Variants in SMAD3 observed in about 807,000 individuals in gnomAD.
The protein encoded by SMAD3 is MAD homolog 3.
In SMAD3, 12 loss-of-function variants were observed where a neutral mutation model predicts 51.8. The ratio of observed to expected loss-of-function variants is 0.23; its 90% CI spans 0.15 to 0.38. The LOEUF (loss-of-function observed/expected upper bound fraction) is 0.38. SMAD3 is among the 10% of genes least tolerant of loss of function. The probability of loss-of-function intolerance (pLI) is 1.00; values close to 1 mark genes in which losing one functional copy is unlikely to be tolerated. For synonymous variants in SMAD3, 238 were observed against 227.7 expected (o/e 1.05, Z -0.41); for missense variants, 294 against 565.6 (o/e 0.52, Z 4.87).
chr15:67,178,613 G>T (rs1036986572), intron 5 of SMAD3, among the ~76,000 whole-genome samples: 2 of 152,106 alleles, frequency 1.3e-5, no homozygotes, highest in South Asian at 4.1e-4. Context: ...CGCTTGGGCA[G>T]TGGTGGCCAG....
intron 1 of SMAD3, among the ~76,000 whole-genome samples, chr15:67,158,449 A>C (rs897249352): frequency 6.6e-6 from 1 of 152,262 alleles, no homozygotes; most frequent in Non-Finnish European, 1.5e-5. Flanking sequence ...TGCATGGCAC[A>C]GAGAAGCAGG....
At chr15:67,089,152 T>C (rs749855826) in intron 1 of SMAD3, among the ~76,000 whole-genome samples, 3 of 151,826 alleles carry the variant, frequency 2.0e-5, no homozygotes, top group Non-Finnish European at 4.4e-5. Context: ...AAAAAAGGGG[T>C]GTATGGCTGC....
intron 1 of SMAD3, among the ~76,000 whole-genome samples, chr15:67,123,433 A>T (rs1487976892): frequency 6.6e-6 from 1 of 152,184 alleles, no homozygotes; most frequent in East Asian, 1.9e-4. Context: ...CAGGAGGAGG[A>T]GTTTGCAGTG....
At chr15:67,089,124 C>G (rs1960457870) in intron 1 of SMAD3, among the ~76,000 whole-genome samples, 1 of 152,126 alleles carries the variant, frequency 6.6e-6, no homozygotes, top group Non-Finnish European at 1.5e-5. Flanking sequence ...GCCGCCTTCT[C>G]TTGCAAAGTG....
intron 2 of SMAD3, 44 bp downstream of exon 2, chr15:67,165,132 T>TC: frequency 6.2e-7 from 1 of 1,610,020 alleles, no homozygotes. Flanking sequence ...GTGCCAGGGG[T>TC]CATCACCTCT....
intron 1 of SMAD3, among the ~76,000 whole-genome samples, chr15:67,086,168 T>G (rs1023412079): frequency 3.3e-5 from 5 of 152,170 alleles, no homozygotes; most frequent in Non-Finnish European, 7.3e-5. Context: ...TTCATGAAAC[T>G]AAGTTAGAGG....
At chr15:67,165,605 G>C (rs1962563161) in intron 3 of SMAD3, among the ~76,000 whole-genome samples, 1 of 152,256 alleles carries the variant, frequency 6.6e-6, no homozygotes, top group Non-Finnish European at 1.5e-5. Flanking sequence ...TCTTGGCATA[G>C]AGGAGCAGCG....
intron 1 of SMAD3, among the ~76,000 whole-genome samples, chr15:67,101,456 C>A (rs960353540): frequency 2.6e-5 from 4 of 152,162 alleles, no homozygotes; most frequent in African/African-American, 7.2e-5. Flanking sequence ...GACTCTCCCA[C>A]CCTCTGGCAT....
chr15:67,150,067 A>G (rs142015776), intron 1 of SMAD3, among the ~76,000 whole-genome samples: 1 of 152,320 alleles, frequency 6.6e-6, no homozygotes, highest in East Asian at 1.9e-4. Context: ...TGTAAATGTC[A>G]TAAGACTGAG....
chr15:67,136,328 C>CTTTTTTTTTTTTTTTTTTTT (rs11355676), intron 1 of SMAD3, among the ~76,000 whole-genome samples: 3 of 137,118 alleles, frequency 2.2e-5, no homozygotes, highest in African/African-American at 2.7e-5. Flanking sequence ...GTCAGTCATT[C>CTTTTTTTTTTTTTTTTTTTT]TTTTTTTTTT....
At chr15:67,117,016 TC>T (rs1486706432) in intron 1 of SMAD3, among the ~76,000 whole-genome samples, 2 of 152,100 alleles carry the variant, frequency 1.3e-5, no homozygotes, top group African/African-American at 4.8e-5. Context: ...TTCACCCAGT[TC>T]TCATAGCTCC....
intron 1 of SMAD3, among the ~76,000 whole-genome samples, chr15:67,075,729 A>G (rs1400199885): frequency 1.3e-5 from 2 of 152,162 alleles, no homozygotes; most frequent in Non-Finnish European, 2.9e-5. Context: ...AGCCTGACCA[A>G]TATGGTGAAA....
chr15:67,090,612 C>CCACT (rs1960489582), intron 1 of SMAD3, among the ~76,000 whole-genome samples: 1 of 152,094 alleles, frequency 6.6e-6, no homozygotes. Flanking sequence ...CTGATGTGAA[C>CCACT]CACTCACTAT....
chr15:67,122,571 G>T (rs1267248695), intron 1 of SMAD3, among the ~76,000 whole-genome samples: 1 of 152,196 alleles, frequency 6.6e-6, no homozygotes, highest in East Asian at 1.9e-4. Flanking sequence ...GGTCCAGAGA[G>T]GTGAGGGGAT....
At chr15:67,132,096 G>T (rs1197048228) in intron 1 of SMAD3, among the ~76,000 whole-genome samples, 1 of 152,272 alleles carries the variant, frequency 6.6e-6, no homozygotes, top group East Asian at 1.9e-4. Context: ...GGTCATCTGA[G>T]ACATGGAACT....
At chr15:67,075,842 G>A (rs919248166) in intron 1 of SMAD3, among the ~76,000 whole-genome samples, 2 of 151,368 alleles carry the variant, frequency 1.3e-5, no homozygotes, top group African/African-American at 4.9e-5. Flanking sequence ...TTGAACCTGG[G>A]AGCCAGAGCT....
rs116738969 is a variant in SMAD3, at chr15:67,090,293, A to G, written c.206+23933A>G. Among the ~76,000 whole-genome samples the G allele has an allele frequency of 4.0e-3, 612 of 152,244 alleles. 4 individuals are homozygous for G. The highest frequency in any genetic ancestry group is 0.014 in the African/African-American group (590 of 41,540). On this transcript the variant is annotated intron_variant, in intron 1 of 8. Coordinates refer to ENST00000327367, the MANE Select transcript of SMAD3 (RefSeq NM_005902.4). ...GAGTCCGATTTTGCCAAAAATCCCA[A>G]CTTTCCTGCTGAGTAGCTCATGAGA...
intron 1 of SMAD3, among the ~76,000 whole-genome samples, chr15:67,109,188 G>A (rs1960946804): frequency 1.3e-5 from 2 of 152,332 alleles, no homozygotes; most frequent in Admixed American, 6.5e-5. Flanking sequence ...CATTCTCATG[G>A]CTTGTTAACT....
chr15:67,070,077 G>T (rs1438236292), intron 1 of SMAD3, among the ~76,000 whole-genome samples: 1 of 152,132 alleles, frequency 6.6e-6, no homozygotes, highest in Non-Finnish European at 1.5e-5. Flanking sequence ...CTTTGAGAAA[G>T]GAAAAAGATC....
Sources: gnomAD v4.1 joint callset for allele counts (sites outside exome capture counted in the v4.1 genomes callset) on GRCh38, gnomAD v4.1.1 for gene constraint, MANE v1.5 for transcripts, NCBI Gene and HGNC (gene_info 2026-07-23, HGNC 2026-07-21) for gene names.